Variants in SGCD observed in about 807,000 individuals in gnomAD.
SGCD encodes the protein sarcoglycan delta, also known as delta-sarcoglycan.
Under a neutral mutation model 36.6 loss-of-function variants are expected in SGCD, and 18 were observed. That is an observed-to-expected ratio of 0.49 (90% CI 0.34 to 0.73). The LOEUF (loss-of-function observed/expected upper bound fraction) is 0.73, where lower values mean the gene tolerates loss of function less well. SGCD is among the 30% of genes least tolerant of loss of function. SGCD has a pLI of 0.01. For synonymous variants in SGCD, 133 were observed against 130.6 expected, an observed-to-expected ratio of 1.02 and a Z score of -0.12; for missense variants, 387 against 346.7, an observed-to-expected ratio of 1.12 and a Z score of -0.92.
intron 6 of SGCD, among the ~76,000 whole-genome samples, chr5:156,641,982 A>G (rs139280723): frequency 5.3e-5 from 8 of 152,240 alleles, no homozygotes; most frequent in Non-Finnish European, 1.0e-4. Context: ...GCCTTAAAAA[A>G]CAGAAATTTA....
At chr5:155,935,764 C>G (rs1757180385) in intron 1 of SGCD, among the ~76,000 whole-genome samples, 1 of 152,198 alleles carries the variant, frequency 6.6e-6, no homozygotes, top group Non-Finnish European at 1.5e-5. Context: ...GGTGCTTTTG[C>G]ATGAGTTTTG....
chr5:155,873,969 C>G lies in SGCD; in HGVS notation c.-282+3545C>G, dbSNP rs529907419. Among the ~76,000 whole-genome samples the G allele has an allele frequency of 4.0e-4, 61 of 152,268 alleles. 1 individual carries two copies. Among genetic ancestry groups the G allele is most frequent in the African/African-American group, 1.3e-3 (56 of 41,542 alleles). The stretch of plus-strand genomic sequence containing the variant: ...AGGATCAATTTTTATATAGCCCTGA[C>G]ACACTACAGGGAAACAGTTCACTAT... On this transcript the variant is annotated intron_variant, in intron 1 of 9. Transcript: ENST00000517913.
At chr5:156,254,433 A>G (rs535237511) in intron 3 of SGCD, among the ~76,000 whole-genome samples, 2 of 152,378 alleles carry the variant, frequency 1.3e-5, no homozygotes, top group African/African-American at 4.8e-5. Flanking sequence ...TATCAGGCTA[A>G]GAAACCTTTT....
intron 3 of SGCD, among the ~76,000 whole-genome samples, chr5:156,294,311 T>A (rs1487319701): frequency 6.6e-6 from 1 of 152,172 alleles, no homozygotes; most frequent in Non-Finnish European, 1.5e-5. Context: ...CAAATTTAGA[T>A]GCCAGCTGGG....
intron 1 of SGCD, among the ~76,000 whole-genome samples, chr5:156,109,776 T>C (rs1322117754): frequency 1.3e-5 from 2 of 152,182 alleles, no homozygotes; most frequent in East Asian, 3.9e-4. Flanking sequence ...GATCCCACAA[T>C]GTCTTGTACT....
At chr5:156,261,502 G>A (rs1051831251) in intron 3 of SGCD, among the ~76,000 whole-genome samples, 1 of 152,140 alleles carries the variant, frequency 6.6e-6, no homozygotes, top group African/African-American at 2.4e-5. Flanking sequence ...TATTACTCAC[G>A]TGCTTGTGGG....
the SGCD span, among the ~76,000 whole-genome samples, chr5:155,804,399 C>T: frequency 9.8e-5 from 15 of 152,312 alleles, no homozygotes; most frequent in South Asian, 6.2e-4. Context: ...AACTCTTAAC[C>T]TTAGACACTA....
chr5:156,684,799 T>C (rs1442221669), intron 7 of SGCD, among the ~76,000 whole-genome samples: 2 of 152,206 alleles, frequency 1.3e-5, no homozygotes, highest in Non-Finnish European at 2.9e-5. Flanking sequence ...TAGGAATGCT[T>C]CTAAAGAAAT....
rs1491174604 is a variant in SGCD at position 156,078,559 on chromosome 5, ATT to A, written c.-281-39317_-281-39316del. ...TATATTTATTTATATATATATTTAT[ATT>A]TATATATATATTTATATTTATATAT... On this transcript the variant is annotated intron_variant, in intron 1 of 9. Transcript: ENST00000517913. Among the ~76,000 whole-genome samples, 95 of 120,574 alleles carry A rather than the reference ATT, an allele frequency of 7.9e-4. 1 individual carries two copies. The highest frequency in any genetic ancestry group is 3.9e-3 in the African/African-American group (90 of 23,330). The allele number at this position is 120,574 out of a possible 152,430, so 79.1% of individuals were successfully genotyped here.
intron 1 of SGCD, among the ~76,000 whole-genome samples, chr5:155,891,328 C>T (rs1052230271): frequency 1.7e-4 from 26 of 152,242 alleles, no homozygotes; most frequent in Middle Eastern, 3.4e-3. Context: ...AACTTCTGAG[C>T]TCTGTCTTAA....
At position 156,215,642 on chromosome 5, in the gene SGCD, A is replaced by C. The variant is rs1342237412; in HGVS notation, c.-44+91623A>C. The stretch of plus-strand genomic sequence containing the variant: ...AAACAACAATGAGATATCACCTAAC[A>C]CCAGTTAGAATGGCTATTATCAAAA... On this transcript the variant is annotated intron_variant, in intron 3 of 9. Transcript: ENST00000517913. Among the ~76,000 whole-genome samples, 4 of 152,122 alleles carry C rather than the reference A, an allele frequency of 2.6e-5. No individual in the cohort carries two copies. In the East Asian group the frequency reaches 7.7e-4, roughly 29 times the overall value.
chr5:156,664,404 C>A (rs1489272179), intron 7 of SGCD, among the ~76,000 whole-genome samples: 2 of 149,668 alleles, frequency 1.3e-5, no homozygotes, highest in East Asian at 3.9e-4. Context: ...CATCTTGGAG[C>A]CTTGCCACAA....
chr5:156,728,266 T>C (rs146007032), intron 7 of SGCD, among the ~76,000 whole-genome samples: 1 of 152,238 alleles, frequency 6.6e-6, no homozygotes, highest in African/African-American at 2.4e-5. Context: ...TGGTACCTTC[T>C]TCCTCTCTCT....
intron 6 of SGCD, among the ~76,000 whole-genome samples, chr5:156,625,152 G>C (rs1275724712): frequency 6.6e-6 from 1 of 152,288 alleles, no homozygotes; most frequent in East Asian, 1.9e-4. Flanking sequence ...CAGCACCATA[G>C]GAATGATGCA....
At chr5:156,533,116 T>C (rs1757956596) in intron 4 of SGCD, among the ~76,000 whole-genome samples, 1 of 152,142 alleles carries the variant, frequency 6.6e-6, no homozygotes, top group South Asian at 2.1e-4. Context: ...CGCTTGCCAG[T>C]TTCATGAAGA....
intron 3 of SGCD, among the ~76,000 whole-genome samples, chr5:156,506,445 A>G (rs988449008): frequency 6.6e-6 from 1 of 152,114 alleles, no homozygotes; most frequent in Non-Finnish European, 1.5e-5. Context: ...TCAGTATTCA[A>G]AGCTCCCAGT....
chr5:156,315,107 G>A (rs530507198), intron 3 of SGCD, among the ~76,000 whole-genome samples: 108 of 151,936 alleles, frequency 7.1e-4, no homozygotes, highest in African/African-American at 2.5e-3. Context: ...AGGACAGAAA[G>A]CATTATTATT....
intron 1 of SGCD, among the ~76,000 whole-genome samples, chr5:155,927,834 A>G (rs1305237944): frequency 2.6e-5 from 4 of 152,310 alleles, no homozygotes; most frequent in Non-Finnish European, 4.4e-5. Flanking sequence ...GTCAGTTGTG[A>G]GTGGCATACC....
chr5:156,730,467 T>C (rs972997116), intron 7 of SGCD, among the ~76,000 whole-genome samples: 33 of 152,174 alleles, frequency 2.2e-4, no homozygotes, highest in African/African-American at 8.0e-4. Flanking sequence ...AGTGAGAACA[T>C]GCAATATTTG....
Sources: gnomAD v4.1 joint callset for allele counts (sites outside exome capture counted in the v4.1 genomes callset) on GRCh38, gnomAD v4.1.1 for gene constraint, MANE v1.5 for transcripts, NCBI Gene and HGNC (gene_info 2026-07-23, HGNC 2026-07-21) for gene names.